TOX2: variants seen among roughly 807,000 people sequenced by gnomAD.
TOX2 encodes the protein TOX high mobility group box family member 2.
In TOX2, 15 loss-of-function variants were observed where a neutral mutation model predicts 47.4. The ratio of observed to expected loss-of-function variants is 0.32; its 90% CI spans 0.21 to 0.49. TOX2 has a LOEUF of 0.49. TOX2 is among the 20% of genes least tolerant of loss of function. The pLI is 0.99. For synonymous variants in TOX2, 290 were observed against 296.6 expected (o/e 0.98, Z 0.23); for missense variants, 622 against 673.1 (o/e 0.92, Z 0.84).
Position 43,914,984 on chromosome 20 carries a change from C to A in TOX2, c.93C>A (p.Gly31=), listed in dbSNP as rs1252438232. ...TGGCGCACCTGGACTATTACCACGG[C>A]GGCAAGGTAGGCGGGGGCGGGCGGG... The part of the protein sequence containing the change: ...AGLAHLDYYH[G]GKFDGDSAYV... Residue 31 remains glycine, a synonymous_variant, in exon 1 of 9, where the codon GGC becomes GGA. Transcript: ENST00000341197. This position sits in a 1 kb window ranked among gnomAD's most constrained non-coding sequence, Gnocchi z 4.5. 2 of 1,248,644 alleles carry A rather than the reference C, an allele frequency of 1.6e-6. No homozygotes were observed. The highest frequency in any genetic ancestry group is 1.0e-6 in the Non-Finnish European group (1 of 996,176). 77.3% of individuals were successfully genotyped at this position (1,248,644 alleles called of 1,614,324 possible). A position where few individuals can be genotyped will look rare whatever the true frequency, so the allele number is the denominator to read the frequency against.
chr20:43,963,636 T>C (rs2069800447), intron 1 of TOX2, among the ~76,000 whole-genome samples: 1 of 152,150 alleles, frequency 6.6e-6, no homozygotes, highest in Non-Finnish European at 1.5e-5. Context: ...CCAGGCAGAA[T>C]ACGAATGTGC....
intron 8 of TOX2, among the ~76,000 whole-genome samples, chr20:44,067,269 G>C (rs904479672): frequency 1.3e-5 from 2 of 152,100 alleles, no homozygotes; most frequent in Non-Finnish European, 1.5e-5. Flanking sequence ...AGGACAGGGT[G>C]GGGGAAGGAG....
At chr20:43,978,452 A>T (rs1159695917) in intron 2 of TOX2, among the ~76,000 whole-genome samples, 2 of 151,662 alleles carry the variant, frequency 1.3e-5, no homozygotes, top group Non-Finnish European at 2.9e-5. Context: ...GAGTATGTAA[A>T]GAACCAGAGT....
chr20:44,046,819 A>G (rs1167176602), intron 3 of TOX2, among the ~76,000 whole-genome samples: 1 of 152,230 alleles, frequency 6.6e-6, no homozygotes, highest in Non-Finnish European at 1.5e-5. Context: ...AATTGATCAT[A>G]CTTTGGTGAC....
At chr20:44,060,475 G>A (rs776414202) in intron 5 of TOX2, among the ~76,000 whole-genome samples, 8 of 152,018 alleles carry the variant, frequency 5.3e-5, no homozygotes, top group Non-Finnish European at 1.2e-4. Flanking sequence ...CACATGGAAC[G>A]TTCTCCAAGA....
chr20:44,056,202 C>T lies in TOX2; in HGVS notation c.879+1676C>T, dbSNP rs2071612660. Reference sequence around the variant, plus strand: ...AGGGGACATTACTTCTGCAGCACCCCTGGCCTGCTACACATGCCAGGCTCC... The same window carrying T: ...AGGGGACATTACTTCTGCAGCACCCTTGGCCTGCTACACATGCCAGGCTCC... On this transcript the variant is annotated intron_variant, in intron 5 of 8. Coordinates refer to ENST00000341197, the MANE Select transcript of TOX2 (RefSeq NM_001098797.2). 2.0e-5 allele frequency among the ~76,000 whole-genome samples: 3 copies of T among 152,338 alleles called. No individual in the cohort carries two copies. The South Asian group carries it at 6.2e-4, about 32-fold the overall frequency.
At chr20:43,963,697 G>GA in intron 1 of TOX2, among the ~76,000 whole-genome samples, 1 of 152,214 alleles carries the variant, frequency 6.6e-6, no homozygotes, top group East Asian at 1.9e-4. Flanking sequence ...CATTTTTGAA[G>GA]AATTGTTAAT....
intron 3 of TOX2, among the ~76,000 whole-genome samples, chr20:44,040,787 T>TG (rs1027717817): frequency 2.0e-5 from 3 of 152,064 alleles, no homozygotes; most frequent in African/African-American, 7.2e-5. Context: ...GAGTCGCTGG[T>TG]GGGGGGAGTG....
chr20:43,921,070 G>A (rs2069108057), intron 1 of TOX2, among the ~76,000 whole-genome samples: 1 of 152,232 alleles, frequency 6.6e-6, no homozygotes, highest in Admixed American at 6.5e-5. Context: ...TGAAGACTTT[G>A]TGGGGCACAA....
rs777057305 is a variant in TOX2, at chr20:44,048,241, TA to T, written c.412-3062del. On this transcript the variant is annotated intron_variant, in intron 3 of 8. Coordinates refer to ENST00000341197, the MANE Select transcript of TOX2 (RefSeq NM_001098797.2). ...CTCCGTCACAAAAAAATAAATAAAA[TA>T]AATTTTGAGAAGGAAAATTTTAAAA... is the stretch of plus-strand genomic sequence containing the variant. Among the ~76,000 whole-genome samples the T allele has an allele frequency of 1.1e-4, 16 of 151,730 alleles. No homozygotes were observed. The East Asian group carries it at 2.5e-3, about 24-fold the overall frequency.
intron 2 of TOX2, among the ~76,000 whole-genome samples, chr20:44,000,026 C>T (rs890979336): frequency 2.6e-5 from 4 of 152,154 alleles, no homozygotes; most frequent in Admixed American, 6.5e-5. Flanking sequence ...ACAGCCATTG[C>T]AAAGACTCTG....
intron 3 of TOX2, among the ~76,000 whole-genome samples, chr20:44,035,405 C>T (rs1462113963): frequency 6.6e-6 from 1 of 152,088 alleles, no homozygotes; most frequent in Non-Finnish European, 1.5e-5. Context: ...ACCTTCTTCA[C>T]CAGCTAACTC....
intron 2 of TOX2, among the ~76,000 whole-genome samples, chr20:44,005,122 A>C (rs777988061): frequency 6.6e-6 from 1 of 152,160 alleles, no homozygotes; most frequent in African/African-American, 2.4e-5. Context: ...TGTAGAAAAC[A>C]TTTACCTTTA....
intron 1 of TOX2, among the ~76,000 whole-genome samples, chr20:43,937,576 A>G (rs1011800352): frequency 6.6e-6 from 1 of 152,204 alleles, no homozygotes; most frequent in East Asian, 1.9e-4. Flanking sequence ...TCTTTGAACC[A>G]TGGACTGAGA....
At chr20:44,065,638 C>T in intron 6 of TOX2, 74 bp from the exon 7 acceptor site, 1 of 1,510,880 alleles carries the variant, frequency 6.6e-7, no homozygotes. Context: ...GTTGCAGAGC[C>T]TCCTGGCCTC....
At chr20:44,014,289 T>C (rs976327) in intron 3 of TOX2, among the ~76,000 whole-genome samples, 118,604 of 152,036 alleles carry the variant, frequency 0.78, 46,766 homozygotes, top group African/African-American at 0.9. Flanking sequence ...CTATTTGCCC[T>C]AGCCCATTGG....
rs897119891 is a variant in TOX2 at position 43,951,637 on chromosome 20, T to C, written c.100-21730T>C. On this transcript the variant is annotated intron_variant, in intron 1 of 8. Transcript: ENST00000341197. ...TTGGGTGGTGATTATGAGGGTTACATGCAATATAGATAAAGTGCCTGACTC... is the reference window on the plus strand; with the variant it reads ...TTGGGTGGTGATTATGAGGGTTACACGCAATATAGATAAAGTGCCTGACTC... 2.0e-5 allele frequency among the ~76,000 whole-genome samples: 3 copies of C among 150,646 alleles called. No homozygotes were observed. In the East Asian group the frequency reaches 5.9e-4, roughly 30 times the overall value.
intron 3 of TOX2, among the ~76,000 whole-genome samples, chr20:44,040,131 C>T (rs2071308848): frequency 6.6e-6 from 1 of 152,192 alleles, no homozygotes; most frequent in South Asian, 2.1e-4. Flanking sequence ...CTGTGTCCCT[C>T]TCTTGTGAGC....
At chr20:43,924,080 C>G (rs1029538630) in intron 1 of TOX2, among the ~76,000 whole-genome samples, 1 of 152,154 alleles carries the variant, frequency 6.6e-6, no homozygotes, top group Non-Finnish European at 1.5e-5. Context: ...AGAGGGCAGT[C>G]CCATTGAAGG....
Sources: gnomAD v4.1 joint callset for allele counts (sites outside exome capture counted in the v4.1 genomes callset) on GRCh38, gnomAD v4.1.1 for gene constraint, Gnocchi (gnomAD v3.1) non-coding constraint, MANE v1.5 for transcripts, NCBI Gene and HGNC (gene_info 2026-07-23, HGNC 2026-07-21) for gene names.